Variants in GNE observed in about 807,000 individuals in gnomAD.
The protein encoded by GNE is glucosamine (UDP-N-acetyl)-2-epimerase/N-acetylmannosamine kinase.
GNE carries 41 observed loss-of-function variants against 61.8 expected under a neutral mutation model. The ratio of observed to expected loss-of-function variants is 0.66; its 90% CI spans 0.52 to 0.86. The LOEUF is 0.86. Ranked by LOEUF, GNE falls within the 40% of genes least tolerant of loss-of-function variation. The pLI is 0.00. For synonymous variants in GNE, 264 were observed against 326.4 expected (o/e 0.81, Z 2.06); for missense variants, 608 against 909.1 (o/e 0.67, Z 4.26).
In GNE at chr9:36,217,505, G is replaced by A. The variant is rs527267621; in HGVS notation, c.2029C>T (p.His677Tyr). 6.2e-6 allele frequency: 10 copies of A among 1,613,872 alleles called. No individual in the cohort carries two copies. Among genetic ancestry groups the A allele is most frequent in the South Asian group, 1.1e-5 (1 of 91,078 alleles). Residue 677 changes from histidine (H) to tyrosine (Y), a missense_variant, in exon 12 of 12, where the codon CAC becomes TAC. By Grantham distance (83) the His-to-Tyr change is moderately conservative (BLOSUM62 2). Coordinates refer to ENST00000642385, the MANE Select transcript of GNE (RefSeq NM_005476.7). The part of the protein sequence containing the change: ...LSGVLASHYI[H>Y]IVKDVIRQQA... ...TGGCGAATGACGTCTTTGACAATGT[G>A]GATATAGTGACTGGCCAGGACTCCG...
chr9:36,253,934 G>A (rs2133145328), intron 1 of GNE, among the ~76,000 whole-genome samples: 1 of 152,162 alleles, frequency 6.6e-6, no homozygotes, highest in African/African-American at 2.4e-5. Flanking sequence ...GCACTGAGGA[G>A]GCTGTGGCAG....
chr9:36,219,684 CTG>C (rs1420734780), intron 10 of GNE, among the ~76,000 whole-genome samples, 152 bp downstream of exon 10: 7 of 152,164 alleles, frequency 4.6e-5, no homozygotes, highest in South Asian at 2.1e-4. Flanking sequence ...GCCAAGAAGA[CTG>C]TGCAGTTTTA....
intron 1 of GNE, among the ~76,000 whole-genome samples, chr9:36,264,484 C>T (rs1438410638): frequency 6.6e-6 from 1 of 152,112 alleles, no homozygotes; most frequent in Non-Finnish European, 1.5e-5. Context: ...TCAGAAGATA[C>T]TAACAGTAAA....
chr9:36,229,058 G>C lies in GNE; in HGVS notation c.1033C>G (p.Gln345Glu). 6.2e-7 allele frequency: 1 copy of C among 1,611,178 alleles called. No individual in the cohort carries two copies. Among genetic ancestry groups the C allele is most frequent in the Non-Finnish European group, 8.5e-7 (1 of 1,177,394 alleles). The change falls in exon 6 of 12, where the codon CAA becomes GAA. Residue 345 changes from glutamine (Q) to glutamate (E), a missense_variant. By Grantham distance (29) the Gln-to-Glu change is conservative (BLOSUM62 2). Coordinates refer to ENST00000642385, the MANE Select transcript of GNE (RefSeq NM_005476.7). ...RDADTQDKIL[Q>E]ALHLQFGKQY... ...TTACCAAACTGAAGGTGCAGTGCTT[G>C]CAATATTTTGTCTTGGGTGTCAGCA... is the stretch of plus-strand genomic sequence containing the variant.
At chr9:36,228,790 T>A (rs1829008358) in intron 6 of GNE, among the ~76,000 whole-genome samples, 1 of 96,354 alleles carries the variant, frequency 1.0e-5, no homozygotes, top group African/African-American at 4.4e-5. Flanking sequence ...CAAGAGTCCA[T>A]CTCAAAAAAA....
At chr9:36,220,121 G>T (rs1159797686) in intron 9 of GNE, 101 bp from the exon 10 acceptor site, 29 of 950,054 alleles carry the variant, frequency 3.1e-5, no homozygotes, top group Non-Finnish European at 4.3e-5. Flanking sequence ...GCATGTGAGG[G>T]TCTATAGATA....
upstream of GNE, among the ~76,000 whole-genome samples, chr9:36,261,120 T>C (rs533861738): frequency 2.0e-5 from 3 of 152,172 alleles, no homozygotes; most frequent in South Asian, 6.2e-4. Flanking sequence ...CTCTACTGCC[T>C]TCCTCTCTCA....
At chr9:36,267,122 C>T (rs1342155376) in intron 1 of GNE, among the ~76,000 whole-genome samples, 2 of 152,190 alleles carry the variant, frequency 1.3e-5, no homozygotes, top group Admixed American at 1.3e-4. Context: ...ACTGTATCAG[C>T]TTAAGCTTTG....
intron 2 of GNE, among the ~76,000 whole-genome samples, chr9:36,247,320 G>C (rs544165957): frequency 2.7e-4 from 41 of 152,156 alleles, no homozygotes; most frequent in Admixed American, 7.9e-4. Context: ...CTCCCAAAGT[G>C]CTGGGATTAC....
chr9:36,237,017 T>A, intron 3 of GNE, 33 bp from the exon 4 acceptor site: 1 of 1,558,210 alleles, frequency 6.4e-7, no homozygotes, highest in Non-Finnish European at 8.8e-7. Context: ...CATTGCTTCA[T>A]TAGTTAAGAA....
At chr9:36,236,273 TCACTG>T (rs2133075914) in intron 4 of GNE, among the ~76,000 whole-genome samples, 1 of 152,202 alleles carries the variant, frequency 6.6e-6, no homozygotes, top group African/African-American at 2.4e-5. Context: ...TGATCTCGGC[TCACTG>T]CAACCTCCAC....
At position 36,229,112 on chromosome 9, in the gene GNE, G is replaced by A. The variant is rs145450498; in HGVS notation, c.983-4C>T. ...CGGACATGAAGAACATTCTCCCCTA[G>A]GTAAAACCAGTGACACATTACAAGG... On this transcript the variant is annotated splice_polypyrimidine_tract_variant and splice_region_variant and intron_variant, in intron 5 of 11. Coordinates refer to ENST00000642385, the MANE Select transcript of GNE (RefSeq NM_005476.7). The A allele has an allele frequency of 1.8e-5, 28 of 1,547,482 alleles. No individual in the cohort carries two copies. The African/African-American group carries it at 3.1e-4, about 17-fold the overall frequency.
chr9:36,242,456 G>A (rs992413613), intron 3 of GNE, among the ~76,000 whole-genome samples: 9 of 152,178 alleles, frequency 5.9e-5, no homozygotes, highest in Admixed American at 4.6e-4. Context: ...GTCTCGCTCT[G>A]TTGCCAGATT....
chr9:36,229,168 G>T (rs983662215), intron 5 of GNE, 60 bp from the exon 6 acceptor site: 3 of 918,276 alleles, frequency 3.3e-6, no homozygotes, highest in African/African-American at 3.2e-5. Flanking sequence ...AAAGAATAAA[G>T]AAATTATCAG....
At chr9:36,232,811 G>A (rs984550877) in intron 5 of GNE, among the ~76,000 whole-genome samples, 2 of 152,186 alleles carry the variant, frequency 1.3e-5, no homozygotes, top group Non-Finnish European at 2.9e-5. Flanking sequence ...TAAGTTACAC[G>A]AGAGCCCAGC....
At chr9:36,227,664 A>G (rs182413760) in intron 6 of GNE, among the ~76,000 whole-genome samples, 37 of 152,244 alleles carry the variant, frequency 2.4e-4, no homozygotes, top group Admixed American at 2.4e-3. Context: ...GCTTGAGCCC[A>G]AGAGTTTGAG....
intron 7 of GNE, 152 bp downstream of exon 7, chr9:36,227,096 A>G (rs1828901285): frequency 2.9e-6 from 2 of 680,042 alleles, no homozygotes; most frequent in Non-Finnish European, 5.4e-6. Context: ...TAGTGAGACA[A>G]ACATTGTAAA....
upstream of GNE, among the ~76,000 whole-genome samples, chr9:36,259,846 A>G (rs1022159377): frequency 1.3e-5 from 2 of 152,110 alleles, no homozygotes; most frequent in Non-Finnish European, 2.9e-5. Flanking sequence ...TTTTTAGTAG[A>G]GACGGGGGTT....
At chr9:36,249,470 A>G (rs1830031782) in intron 1 of GNE, 73 bp from the exon 2 acceptor site, 2 of 997,936 alleles carry the variant, frequency 2.0e-6, no homozygotes, top group Admixed American at 2.6e-5. Context: ...ACTTCTCTAA[A>G]TCAGAAATAG....
Sources: gnomAD v4.1 joint callset for allele counts (sites outside exome capture counted in the v4.1 genomes callset) on GRCh38, gnomAD v4.1.1 for gene constraint, MANE v1.5 for transcripts, NCBI Gene and HGNC (gene_info 2026-07-23, HGNC 2026-07-21) for gene names.